The following CCDC158 variants were observed in gnomAD, a reference collection of about 807,000 sequenced individuals.
CCDC158 encodes the protein coiled-coil domain-containing protein 158.
Under a neutral mutation model 138.6 loss-of-function variants are expected in CCDC158, and 116 were observed. That is an observed-to-expected ratio of 0.84 (90% CI 0.72 to 0.98). The LOEUF is 0.98. CCDC158 is among the 50% of genes least tolerant of loss of function. The pLI is 0.00. For missense variants in CCDC158, 1,265 were observed against 1,306.1 expected (o/e 0.97, Z 0.48); for synonymous variants, 436 against 442.4 (o/e 0.99, Z 0.18).
rs201687534 is a variant in CCDC158 at position 76,325,976 on chromosome 4, T to C, written c.3050A>G (p.Asn1017Ser). Reference protein sequence around the residue: ...SVKNSASRSFNSSPKKSPVHS... With the variant: ...SVKNSASRSFSSSPKKSPVHS... ...CACTGGAGACTTCTTAGGAGAAGAA[T>C]TGAATGAACGAGAAGCTGAGTTTTT... The change falls in exon 23 of 25, where the codon AAT becomes AGT. Residue 1017 changes from asparagine (N) to serine (S), a missense_variant. By Grantham distance (46) the Asn-to-Ser change is conservative (BLOSUM62 1). Coordinates refer to ENST00000682701, the MANE Select transcript of CCDC158 (RefSeq NM_001394954.1). 59 of 1,613,196 alleles carry C rather than the reference T, an allele frequency of 3.7e-5. No homozygotes were observed. The highest frequency in any genetic ancestry group is 4.7e-5 in the Non-Finnish European group (56 of 1,179,560).
At chr4:76,326,607 CA>C (rs1453401313) in intron 22 of CCDC158, among the ~76,000 whole-genome samples, 1 of 151,844 alleles carries the variant, frequency 6.6e-6, no homozygotes, top group African/African-American at 2.4e-5. Flanking sequence ...TAAAACAAAC[CA>C]ATCAAAAACA....
At chr4:76,398,666 C>A (rs1322290321) in intron 3 of CCDC158, among the ~76,000 whole-genome samples, 710 of 118,192 alleles carry the variant, frequency 6.0e-3, no homozygotes, top group South Asian at 7.8e-3. Context: ...GACTCTGTCT[C>A]AAAAAAAAAA....
At chr4:76,353,369 G>A in intron 15 of CCDC158, 88 bp from the exon 16 acceptor site, 1 of 1,034,204 alleles carries the variant, frequency 9.7e-7, no homozygotes, top group Non-Finnish European at 1.4e-6. Flanking sequence ...TTGTTTAAAG[G>A]ACCCTGAACT....
At chr4:76,382,188 C>T (rs184875030) in intron 8 of CCDC158, among the ~76,000 whole-genome samples, 25 of 152,224 alleles carry the variant, frequency 1.6e-4, no homozygotes, top group South Asian at 6.2e-4. Context: ...CTCTCTCTCT[C>T]TTGCTTTGCC....
Position 76,339,395 on chromosome 4 carries a change from C to T in CCDC158, c.2665-5228G>A, listed in dbSNP as rs185346385. On this transcript the variant is annotated intron_variant, in intron 18 of 24. Transcript: ENST00000682701. ...CATGTGTTCCTCTTTCAGCTAGCAC[C>T]GTAACTAGACATACAGATGAAATAG... Among the ~76,000 whole-genome samples the T allele has an allele frequency of 2.8e-3, 422 of 152,234 alleles. 2 individuals are homozygous for T. The highest frequency in any genetic ancestry group is 9.2e-3 in the African/African-American group (383 of 41,544).
At position 76,357,544 on chromosome 4, in the gene CCDC158, C is replaced by A. The variant is rs777617959; in HGVS notation, c.2021-18G>T. On this transcript the variant is annotated intron_variant, in intron 13 of 24. Transcript: ENST00000682701. The stretch of plus-strand genomic sequence containing the variant: ...ATACTCCTCTATACAATGTGATAAT[C>A]AATAATAGATGGTTACTTTTTTCTA... The A allele has an allele frequency of 8.4e-6, 12 of 1,434,900 alleles. No individual in the cohort carries two copies. Among genetic ancestry groups the A allele is most frequent in the Non-Finnish European group, 1.1e-5 (12 of 1,073,732 alleles). 88.9% of individuals were successfully genotyped at this position (1,434,900 alleles called of 1,614,324 possible).
chr4:76,329,926 T>C (rs951448049), intron 21 of CCDC158, among the ~76,000 whole-genome samples: 43 of 152,354 alleles, frequency 2.8e-4, no homozygotes, highest in African/African-American at 1.0e-3. Context: ...TGTATTTTCT[T>C]AACCCAGTTA....
intron 18 of CCDC158, among the ~76,000 whole-genome samples, chr4:76,348,928 T>A (rs1361628177): frequency 2.0e-5 from 3 of 152,200 alleles, no homozygotes; most frequent in Non-Finnish European, 4.4e-5. Flanking sequence ...TTTTCTCAAA[T>A]TGATGAAGAT....
rs760774459 is a variant in CCDC158 at position 76,357,990 on chromosome 4, T to TGC, written c.2021-466_2021-465dup. 6.6e-3 allele frequency among the ~76,000 whole-genome samples: 661 copies of TGC among 100,596 alleles called. 4 individuals are homozygous for TGC. The highest frequency in any genetic ancestry group is 0.02 in the African/African-American group (603 of 30,508). The allele number at this position is 100,596 out of a possible 152,430, so 66.0% of individuals were successfully genotyped here. On this transcript the variant is annotated intron_variant, in intron 13 of 24. Transcript: ENST00000682701. ...TGATATACTACAATACACACATGTG[T>TGC]GCACACACACACACACACACATATT...
rs750857491 is a variant in CCDC158 at position 76,403,187 on chromosome 4, T to C, written c.21A>G (p.Glu7=). 89 of 1,605,382 alleles carry C rather than the reference T, an allele frequency of 5.5e-5. No homozygotes were observed. Among genetic ancestry groups the C allele is most frequent in the Non-Finnish European group, 7.1e-5 (84 of 1,175,210 alleles). The change falls in exon 3 of 25, where the codon GAA becomes GAG. Residue 7 remains glutamate (E), a synonymous_variant. Coordinates refer to ENST00000682701, the MANE Select transcript of CCDC158 (RefSeq NM_001394954.1). ...TTGATAAAAGATCTTCATTATTTGA[T>C]TCCCAAGCTTTTGATTCCATATTAA... MESKAW[E]SNNEDLLSSS... is the part of the protein sequence containing the mutation.
At chr4:76,400,842 G>T (rs1728307223) in intron 3 of CCDC158, among the ~76,000 whole-genome samples, 1 of 152,164 alleles carries the variant, frequency 6.6e-6, no homozygotes, top group Admixed American at 6.5e-5. Context: ...CTGTAAGAGT[G>T]CAAGAGAATA....
At position 76,331,358 on chromosome 4, in the gene CCDC158, A is replaced by G. The variant is rs754208793; in HGVS notation, c.2928T>C (p.Ser976=). Reference sequence around the variant, plus strand: ...GTATTTCCTACCTACTAAGAGTTTCACTTGATTTGCTTCCTTCAGTGGAGT... The same window carrying G: ...GTATTTCCTACCTACTAAGAGTTTCGCTTGATTTGCTTCCTTCAGTGGAGT... ...LRDSTEGSKS[S]ETLSREPVTL... The change falls in exon 21 of 25, where the codon AGT becomes AGC. Residue 976 remains serine (S), a synonymous_variant. Transcript: ENST00000682701. 2 of 1,613,974 alleles carry G rather than the reference A, an allele frequency of 1.2e-6. No homozygotes were observed. The highest frequency in any genetic ancestry group is 1.7e-6 in the Non-Finnish European group (2 of 1,179,856).
intron 9 of CCDC158, among the ~76,000 whole-genome samples, chr4:76,372,084 C>T (rs1725304117): frequency 6.6e-6 from 1 of 151,744 alleles, no homozygotes; most frequent in Admixed American, 6.6e-5. Flanking sequence ...TGTAATACAT[C>T]TGTCTCCTGT....
intron 21 of CCDC158, 90 bp downstream of exon 21, chr4:76,331,254 T>C: frequency 1.7e-6 from 2 of 1,144,042 alleles, no homozygotes; most frequent in Non-Finnish European, 2.6e-6. Context: ...CTGCAGTGCA[T>C]GGCACATTAC....
chr4:76,367,860 A>G (rs2110239360), intron 11 of CCDC158, 84 bp from the exon 12 acceptor site: 3 of 1,309,018 alleles, frequency 2.3e-6, no homozygotes, highest in Non-Finnish European at 3.1e-6. Flanking sequence ...ACTTAAAAGC[A>G]TGAAATCATG....
chr4:76,348,315 G>C (rs1722753316), intron 18 of CCDC158, among the ~76,000 whole-genome samples: 1 of 150,084 alleles, frequency 6.7e-6, no homozygotes, highest in Non-Finnish European at 1.5e-5. Flanking sequence ...GGCACCTGTA[G>C]TCCCAGCTAC....
intron 18 of CCDC158, among the ~76,000 whole-genome samples, chr4:76,350,262 T>C (rs542351973): frequency 6.6e-6 from 1 of 152,304 alleles, no homozygotes; most frequent in South Asian, 2.1e-4. Context: ...ACATCTTAAG[T>C]GTGTGAGAGG....
chr4:76,401,138 A>T (rs1191550652), intron 3 of CCDC158: 2 of 260,014 alleles, frequency 7.7e-6, no homozygotes, highest in Non-Finnish European at 1.5e-5. Flanking sequence ...ATATGGGTAC[A>T]CTACCTTCAT....
intron 9 of CCDC158, among the ~76,000 whole-genome samples, chr4:76,376,914 T>G (rs1331894991): frequency 6.6e-6 from 1 of 152,246 alleles, no homozygotes; most frequent in Admixed American, 6.5e-5. Context: ...ACTGTCAAAA[T>G]TCTTGCTCAG....
Sources: gnomAD v4.1 joint callset for allele counts (sites outside exome capture counted in the v4.1 genomes callset) on GRCh38, gnomAD v4.1.1 for gene constraint, MANE v1.5 for transcripts, NCBI Gene and HGNC (gene_info 2026-07-23, HGNC 2026-07-21) for gene names.